Variants in INO80 observed in about 807,000 individuals in gnomAD.
INO80 encodes INO80 complex ATPase subunit.
A neutral mutation model predicts 203.4 loss-of-function variants in INO80; 20 were observed. The observed-to-expected ratio is 0.10, with a 90% confidence interval of 0.07 to 0.14. The LOEUF is 0.14. Among genes scored for constraint, INO80 ranks in the 10% least tolerant of loss-of-function variants. The probability of loss-of-function intolerance (pLI) is 1.00; values close to 1 mark genes in which losing one functional copy is unlikely to be tolerated. For synonymous variants in INO80, 726 were observed against 685.2 expected (o/e 1.06, Z -0.93); for missense variants, 1,419 against 1,914.4 (o/e 0.74, Z 4.83).
At chr15:40,984,778 G>A (rs1324598729) in intron 32 of INO80, among the ~76,000 whole-genome samples, 1 of 152,196 alleles carries the variant, frequency 6.6e-6, no homozygotes, top group Non-Finnish European at 1.5e-5. Flanking sequence ...CACTTATTGA[G>A]GCTGACTGAA....
chr15:41,102,056 T>A (rs1346659099), intron 1 of INO80, among the ~76,000 whole-genome samples: 1 of 152,006 alleles, frequency 6.6e-6, no homozygotes, highest in Non-Finnish European at 1.5e-5. Context: ...CTGGGCTTGG[T>A]GGCACGCACC....
At chr15:41,083,053 C>T (rs1250284392) in intron 7 of INO80, among the ~76,000 whole-genome samples, 2 of 151,884 alleles carry the variant, frequency 1.3e-5, no homozygotes, top group African/African-American at 2.4e-5. Flanking sequence ...GAGGCCGAGG[C>T]GCACAGATCA....
chr15:41,031,351 G>A (rs1238696034), intron 24 of INO80, among the ~76,000 whole-genome samples: 1 of 150,746 alleles, frequency 6.6e-6, no homozygotes, highest in African/African-American at 2.4e-5. Context: ...AGAAAAGAAA[G>A]TTTGTTCATT....
At chr15:41,102,567 G>T (rs1306254841) in intron 1 of INO80, among the ~76,000 whole-genome samples, 2 of 152,070 alleles carry the variant, frequency 1.3e-5, no homozygotes, top group African/African-American at 2.4e-5. Flanking sequence ...CAACTTGGGA[G>T]CCTGAGGCAG....
intron 24 of INO80, among the ~76,000 whole-genome samples, chr15:41,031,333 T>C (rs1449564698): frequency 6.6e-6 from 1 of 151,048 alleles, no homozygotes; most frequent in East Asian, 2.0e-4. Context: ...TTAAGCAATA[T>C]TGTAGATAGA....
At chr15:41,039,653 C>G (rs1228669082) in intron 24 of INO80, among the ~76,000 whole-genome samples, 1 of 152,190 alleles carries the variant, frequency 6.6e-6, no homozygotes, top group African/African-American at 2.4e-5. Flanking sequence ...TCCCAAAGAT[C>G]ACAGTCTACA....
chr15:41,113,259 A>AGTTTT (rs938734141), intron 1 of INO80, among the ~76,000 whole-genome samples: 4 of 149,654 alleles, frequency 2.7e-5, no homozygotes, highest in South Asian at 2.1e-4. Flanking sequence ...TCCCCTAGCC[A>AGTTTT]GTTTTGTTTT....
chr15:41,047,131 C>A (rs1332335553), intron 23 of INO80, among the ~76,000 whole-genome samples: 1 of 151,660 alleles, frequency 6.6e-6, no homozygotes, highest in Non-Finnish European at 1.5e-5. Context: ...CCATGTCCGG[C>A]TACTTTTGTA....
At chr15:41,008,937 G>C (rs188513029) in intron 27 of INO80, among the ~76,000 whole-genome samples, 2 of 152,150 alleles carry the variant, frequency 1.3e-5, no homozygotes, top group Non-Finnish European at 2.9e-5. Flanking sequence ...GGGTTCAAGC[G>C]ATTCTCCTGC....
chr15:41,059,861 T>C lies in INO80; in HGVS notation c.1842+6A>G. On this transcript the variant is annotated splice_donor_region_variant and intron_variant, in intron 15 of 35. Transcript: ENST00000648947. Reference sequence around the variant, plus strand: ...ACGTATGTATGCAGTTTAAGTAGAATGTTACCTGACTCCAGAACCTTCTGA... The same window carrying C: ...ACGTATGTATGCAGTTTAAGTAGAACGTTACCTGACTCCAGAACCTTCTGA... 2 of 1,596,086 alleles carry C rather than the reference T, an allele frequency of 1.3e-6. No individual in the cohort carries two copies. Among genetic ancestry groups the C allele is most frequent in the African/African-American group, 1.3e-5 (1 of 74,646 alleles).
intron 1 of INO80, among the ~76,000 whole-genome samples, chr15:41,115,478 G>C (rs1482843151): frequency 1.3e-5 from 2 of 152,202 alleles, no homozygotes; most frequent in Non-Finnish European, 2.9e-5. Flanking sequence ...CCAGCAGCGT[G>C]CACCATTCAA....
chr15:41,016,163 C>G lies in INO80; in HGVS notation c.3327G>C (p.Leu1109=), dbSNP rs2044205731. 3 of 1,613,408 alleles carry G rather than the reference C, an allele frequency of 1.9e-6. No homozygotes were observed. The highest frequency in any genetic ancestry group is 2.5e-6 in the Non-Finnish European group (3 of 1,179,456). ...GCCCTTGAGACTTGAGCCGAGTCAG[C>G]AGGACATCAAGGGCATACAGCTTTC... is the stretch of plus-strand genomic sequence containing the variant. ...DSGKLYALDV[L]LTRLKSQGHR... Residue 1109 remains leucine (L), a synonymous_variant, in exon 27 of 36, where the codon CTG becomes CTC. Coordinates refer to ENST00000648947, the MANE Select transcript of INO80 (RefSeq NM_017553.3).
At chr15:41,073,350 A>T in intron 11 of INO80, 78 bp downstream of exon 11, 1 of 1,199,188 alleles carries the variant, frequency 8.3e-7, no homozygotes, top group Non-Finnish European at 1.2e-6. Context: ...ATTAAGACTA[A>T]AGGAAGACCA....
chr15:40,984,124 C>CA, intron 33 of INO80, 73 bp downstream of exon 33: 1 of 1,493,862 alleles, frequency 6.7e-7, no homozygotes. Flanking sequence ...AAAGACTGCC[C>CA]AGCAGTGTGT....
At chr15:41,034,326 T>C (rs1258823755) in intron 24 of INO80, among the ~76,000 whole-genome samples, 2 of 152,196 alleles carry the variant, frequency 1.3e-5, no homozygotes, top group African/African-American at 4.8e-5. Flanking sequence ...TTTGGATTCA[T>C]TCCTTTCCCT....
chr15:40,998,807 G>A (rs1269903972), intron 28 of INO80, among the ~76,000 whole-genome samples: 3 of 151,926 alleles, frequency 2.0e-5, no homozygotes, highest in African/African-American at 7.3e-5. Flanking sequence ...GATTACAGGT[G>A]CCCACCACCA....
chr15:41,029,757 G>A (rs775562157), intron 24 of INO80, among the ~76,000 whole-genome samples: 6 of 152,216 alleles, frequency 3.9e-5, no homozygotes, highest in Admixed American at 2.0e-4. Context: ...CAGGCTAGGT[G>A]TCAGACTGTT....
At chr15:41,033,663 G>A (rs2044525966) in intron 24 of INO80, among the ~76,000 whole-genome samples, 1 of 152,126 alleles carries the variant, frequency 6.6e-6, no homozygotes, top group East Asian at 1.9e-4. Context: ...AGAAAATTAA[G>A]TAGAATACAG....
At position 41,116,137 on chromosome 15, in the gene INO80, C is replaced by A; in HGVS notation, c.-208G>T. The stretch of plus-strand genomic sequence containing the variant: ...CGTGGACGCTCCTAGCTCGCTCCCT[C>A]CGCGGCTCCTGGGACCCCAAGATGG... On this transcript the variant is annotated 5_prime_UTR_variant, in exon 1 of 36. Transcript: ENST00000648947. 1 of 402,042 alleles carries A rather than the reference C, an allele frequency of 2.5e-6. No individual in the cohort carries two copies. The allele number at this position is 402,042 out of a possible 1,614,324, so 24.9% of individuals were successfully genotyped here.
Sources: allele counts gnomAD v4.1 joint callset (sites outside exome capture counted in the v4.1 genomes callset), GRCh38; gene constraint gnomAD v4.1.1; transcripts MANE v1.5; gene names NCBI Gene and HGNC (gene_info 2026-07-23, HGNC 2026-07-21).